ORAI3: variants seen among roughly 807,000 people sequenced by gnomAD.
The protein encoded by ORAI3 is ORAI calcium release-activated calcium modulator 3, also known as protein orai-3.
ORAI3 carries 15 observed loss-of-function variants against 17.2 expected under a neutral mutation model. The ratio of observed to expected loss-of-function variants is 0.87; its 90% confidence interval spans 0.58 to 1.34. The LOEUF (loss-of-function observed/expected upper bound fraction) is 1.34. Among genes scored for constraint, ORAI3 ranks in the 40% most tolerant of loss-of-function variants. The pLI, the probability that ORAI3 is intolerant of heterozygous loss-of-function variation, is 0.00. For missense variants in ORAI3, 405 were observed against 396.7 expected, an observed-to-expected ratio of 1.02 and a Z score of -0.18; for synonymous variants, 178 against 172.4, an observed-to-expected ratio of 1.03 and a Z score of -0.25.
chr16:30,953,859 A>G lies in ORAI3; in HGVS notation c.*15A>G. 6.3e-7 allele frequency: 1 copy of G among 1,595,174 alleles called. No individual in the cohort carries two copies. Among genetic ancestry groups the G allele is most frequent in the Non-Finnish European group, 8.5e-7 (1 of 1,171,938 alleles). ...AGGCTGTGTGAGACTGGTGTTAGCC[A>G]CCGCTCACTGCAAGCACTGCCTCCC... On this transcript the variant is annotated 3_prime_UTR_variant, in exon 2 of 2. Coordinates refer to ENST00000318663, the MANE Select transcript of ORAI3 (RefSeq NM_152288.3).
At chr16:30,950,162 G>T (rs574301474) in intron 1 of ORAI3, among the ~76,000 whole-genome samples, 71 of 152,322 alleles carry the variant, frequency 4.7e-4, no homozygotes, top group African/African-American at 1.7e-3. Context: ...CTCACAGGAA[G>T]TGGGATGGAG....
intron 1 of ORAI3, among the ~76,000 whole-genome samples, chr16:30,950,146 A>C (rs1045362071): frequency 2.6e-5 from 4 of 152,194 alleles, no homozygotes; most frequent in African/African-American, 7.2e-5. Flanking sequence ...CTGCCCCAGC[A>C]GTGGCCTCAC....
Position 30,949,198 on chromosome 16 carries a change from A to T in ORAI3, c.-92A>T, listed in dbSNP as rs2055907342. ...TGCATCCTGCTCGTCCTGTCTGGGA[A>T]TGGGGCCGCCCCCGGGCTTGGGCCG... On this transcript the variant is annotated 5_prime_UTR_variant, in exon 1 of 2. It removes an upstream start codon present in the reference 5' UTR. Transcript: ENST00000318663. 3 of 888,960 alleles carry T rather than the reference A, an allele frequency of 3.4e-6. No homozygotes were observed. Among genetic ancestry groups the T allele is most frequent in the East Asian group, 6.7e-5 (2 of 29,868 alleles). 55.1% of individuals were successfully genotyped at this position (888,960 alleles called of 1,614,324 possible). A position where few individuals can be genotyped will look rare whatever the true frequency, so the allele number is the denominator to read the frequency against.
chr16:30,949,282 C>CG lies in ORAI3; in HGVS notation c.-8_-7insG. The stretch of plus-strand genomic sequence containing the variant: ...GTAGTGACCGCCTGGTGCCGCCCCC[C>CG]CCCCAGGATGAAGGGCGGCGAGGGG... On this transcript the variant is annotated 5_prime_UTR_variant, in exon 1 of 2. Coordinates refer to ENST00000318663, the MANE Select transcript of ORAI3 (RefSeq NM_152288.3). The CG allele has an allele frequency of 2.1e-6, 3 of 1,396,874 alleles. No individual in the cohort carries two copies. Among genetic ancestry groups the CG allele is most frequent in the African/African-American group, 1.5e-5 (1 of 65,692 alleles). 86.5% of individuals were successfully genotyped at this position (1,396,874 alleles called of 1,614,324 possible).
At chr16:30,951,826 T>G (rs1243793805) in intron 1 of ORAI3, among the ~76,000 whole-genome samples, 4 of 152,216 alleles carry the variant, frequency 2.6e-5, no homozygotes, top group Non-Finnish European at 5.9e-5. Flanking sequence ...TTCCAAGTTT[T>G]CAAGGGGATC....
At position 30,953,591 on chromosome 16, in the gene ORAI3, G is replaced by C; in HGVS notation, c.635G>C (p.Arg212Pro). 1 of 1,614,182 alleles carries C rather than the reference G, an allele frequency of 6.2e-7. No individual in the cohort carries two copies. The highest frequency in any genetic ancestry group is 8.5e-7 in the Non-Finnish European group (1 of 1,180,024). ...CTTAGTCCAGCTTCCAATCTCCCAC[G>C]GTCCTCTGCGTCTGCAGCACCGTCC... is the stretch of plus-strand genomic sequence containing the variant. The part of the protein sequence containing the change: ...TSLSPASNLP[R>P]SSASAAPSQA... The change falls in exon 2 of 2, where the codon CGG (arginine) becomes CCG (proline). Residue 212 changes from arginine (R) to proline (P), a missense_variant. Transcript: ENST00000318663.
chr16:30,949,655 G>A (rs754141426), intron 1 of ORAI3, 138 bp downstream of exon 1: 18 of 707,418 alleles, frequency 2.5e-5, no homozygotes, highest in Non-Finnish European at 3.9e-5. Flanking sequence ...ACAAGGTCCC[G>A]CGGGACTGAG....
chr16:30,952,735 G>A (rs1048014721), intron 1 of ORAI3, among the ~76,000 whole-genome samples: 3 of 151,668 alleles, frequency 2.0e-5, no homozygotes, highest in South Asian at 2.1e-4. Context: ...ACATGATCTC[G>A]GCTCACTCAA....
rs553138164 is a variant in ORAI3 at position 30,953,861 on chromosome 16, C to T, written c.*17C>T. 14 of 1,593,560 alleles carry T rather than the reference C, an allele frequency of 8.8e-6. No homozygotes were observed. Among genetic ancestry groups the T allele is most frequent in the South Asian group, 3.4e-5 (3 of 88,814 alleles). Reference sequence around the variant, plus strand: ...GCTGTGTGAGACTGGTGTTAGCCACCGCTCACTGCAAGCACTGCCTCCCTC... The same window carrying T: ...GCTGTGTGAGACTGGTGTTAGCCACTGCTCACTGCAAGCACTGCCTCCCTC... On this transcript the variant is annotated 3_prime_UTR_variant, in exon 2 of 2. Transcript: ENST00000318663.
chr16:30,953,802 AGAG>A lies in ORAI3; in HGVS notation c.849_851del (p.Glu284del). ...AGACAGACCGCTACAAGCAGGAACTAGAGGAACTGAATCGCCTGCAGGGGGAGC... is the reference window on the plus strand; with the variant it reads ...AGACAGACCGCTACAAGCAGGAACTAGAACTGAATCGCCTGCAGGGGGAGC... On this transcript the variant is annotated inframe_deletion, in exon 2 of 2. Coordinates refer to ENST00000318663, the MANE Select transcript of ORAI3 (RefSeq NM_152288.3). 6.2e-7 allele frequency: 1 copy of A among 1,613,276 alleles called. No individual in the cohort carries two copies. The highest frequency in any genetic ancestry group is 8.5e-7 in the Non-Finnish European group (1 of 1,179,786).
chr16:30,953,766 G>A lies in ORAI3; in HGVS notation c.810G>A (p.Leu270=), dbSNP rs1419643977. ...TTGCCCTGCATTTCTACCGCTCCTT[G>A]GTGGCACACAAGACAGACCGCTACA... ...VAFALHFYRS[L]VAHKTDRYKQ... The change falls in exon 2 of 2, where the codon TTG becomes TTA. Residue 270 remains leucine, a synonymous_variant. Transcript: ENST00000318663. 6.2e-7 allele frequency: 1 copy of A among 1,614,066 alleles called. No individual in the cohort carries two copies. The highest frequency in any genetic ancestry group is 8.5e-7 in the Non-Finnish European group (1 of 1,180,032).
At position 30,954,143 on chromosome 16, in the gene ORAI3, T is replaced by A. The variant is rs1189428853; in HGVS notation, c.*299T>A. On this transcript the variant is annotated 3_prime_UTR_variant, in exon 2 of 2. Transcript: ENST00000318663. ...AGATAGAGGGGAGGCAGGGAGAGCT[T>A]GTGGGACCTTCAGTGCTGACTTTAG... is the stretch of plus-strand genomic sequence containing the variant. The A allele has an allele frequency of 4.3e-6, 3 of 702,502 alleles. No individual in the cohort carries two copies. The highest frequency in any genetic ancestry group is 7.8e-6 in the Non-Finnish European group (3 of 385,022). The allele number at this position is 702,502 out of a possible 1,614,324, so 43.5% of individuals were successfully genotyped here. A position where few individuals can be genotyped will look rare whatever the true frequency, so the allele number is the denominator to read the frequency against.
At chr16:30,950,112 A>G (rs145661258) in intron 1 of ORAI3, among the ~76,000 whole-genome samples, 2 of 152,340 alleles carry the variant, frequency 1.3e-5, no homozygotes, top group East Asian at 3.9e-4. Flanking sequence ...CCCCAGGTGC[A>G]GGAGGACGGT....
rs371685363 is a variant in ORAI3, at chr16:30,949,282, C to T, written c.-8C>T. 9.3e-6 allele frequency: 13 copies of T among 1,396,760 alleles called. No homozygotes were observed. Among genetic ancestry groups the T allele is most frequent in the Admixed American group, 7.0e-5 (2 of 28,688 alleles). 86.5% of individuals were successfully genotyped at this position (1,396,760 alleles called of 1,614,324 possible). A position where few individuals can be genotyped will look rare whatever the true frequency, so the allele number is the denominator to read the frequency against. On this transcript the variant is annotated 5_prime_UTR_variant, in exon 1 of 2. Coordinates refer to ENST00000318663, the MANE Select transcript of ORAI3 (RefSeq NM_152288.3). ...GTAGTGACCGCCTGGTGCCGCCCCC[C>T]CCCCAGGATGAAGGGCGGCGAGGGG...
Position 30,953,212 on chromosome 16 carries a change from A to G in ORAI3, c.256A>G (p.Ser86Gly). 1 of 1,586,728 alleles carries G rather than the reference A, an allele frequency of 6.3e-7. No homozygotes were observed. Residue 86 changes from serine (S) to glycine (G), a missense_variant, in exon 2 of 2, where the codon AGT becomes GGT. Ser to Gly is a moderately conservative substitution (Grantham distance 56). Coordinates refer to ENST00000318663, the MANE Select transcript of ORAI3 (RefSeq NM_152288.3). ...GGCCATGGTGGAGGTGCAGCTGGAG[A>G]GTGACCACGAGTACCCACCAGGCCT... is the stretch of plus-strand genomic sequence containing the variant. ...MVAMVEVQLE[S>G]DHEYPPGLLV...
chr16:30,951,388 A>G (rs913966876), intron 1 of ORAI3, among the ~76,000 whole-genome samples: 1 of 152,196 alleles, frequency 6.6e-6, no homozygotes, highest in African/African-American at 2.4e-5. Flanking sequence ...AGGATCAGAG[A>G]TGTTAAGACA....
Position 30,953,238 on chromosome 16 carries a change from G to T in ORAI3, c.282G>T (p.Leu94=). 6.2e-7 allele frequency: 1 copy of T among 1,606,080 alleles called. No individual in the cohort carries two copies. The change falls in exon 2 of 2, where the codon CTG becomes CTT. Residue 94 remains leucine, a synonymous_variant. Transcript: ENST00000318663. Reference sequence around the variant, plus strand: ...GTGACCACGAGTACCCACCAGGCCTGCTGGTGGCCTTCAGTGCCTGCACCA... The same window carrying T: ...GTGACCACGAGTACCCACCAGGCCTTCTGGTGGCCTTCAGTGCCTGCACCA... ...LESDHEYPPG[L]LVAFSACTTV...
Position 30,954,481 on chromosome 16 carries a change from C to G in ORAI3, c.*637C>G. 4.6e-6 allele frequency: 1 copy of G among 217,812 alleles called. No individual in the cohort carries two copies. The highest frequency in any genetic ancestry group is 9.2e-6 in the Non-Finnish European group (1 of 108,906). 13.5% of individuals were successfully genotyped at this position (217,812 alleles called of 1,614,324 possible). A position where few individuals can be genotyped will look rare whatever the true frequency, so the allele number is the denominator to read the frequency against. On this transcript the variant is annotated 3_prime_UTR_variant, in exon 2 of 2. Coordinates refer to ENST00000318663, the MANE Select transcript of ORAI3 (RefSeq NM_152288.3). ...CCTCCCGCCTCGGCCTCCCAAAGTG[C>G]TGGGATTCCTTTCTTTATTTCTGTA...
chr16:30,953,451 AGTT>A lies in ORAI3; in HGVS notation c.498_500del (p.Val167del). 1 of 1,614,206 alleles carries A rather than the reference AGTT, an allele frequency of 6.2e-7. No homozygotes were observed. The highest frequency in any genetic ancestry group is 8.5e-7 in the Non-Finnish European group (1 of 1,180,036). On this transcript the variant is annotated inframe_deletion, in exon 2 of 2. Transcript: ENST00000318663. ...TGGGCACCTTTCTCTTCCTTGCTGA[AGTT>A]GTCCTGGTTGGTTGGGTCAAGTTTG...
Sources: gnomAD v4.1 joint callset for allele counts (sites outside exome capture counted in the v4.1 genomes callset) on GRCh38, gnomAD v4.1.1 for gene constraint, MANE v1.5 for transcripts, NCBI Gene and HGNC (gene_info 2026-07-23, HGNC 2026-07-21) for gene names.